Variants in IQSEC1 observed in about 807,000 individuals in gnomAD.
IQSEC1 encodes the protein IQ motif and SEC7 domain-containing protein 1.
Under a neutral mutation model 91.0 loss-of-function variants are expected in IQSEC1, and 31 were observed. That is an observed-to-expected ratio of 0.34 (90% CI 0.26 to 0.46). The LOEUF is 0.46. Among genes scored for constraint, IQSEC1 ranks in the 20% least tolerant of loss-of-function variants. IQSEC1 has a pLI of 1.00. For synonymous variants in IQSEC1, 699 were observed against 662.6 expected, an observed-to-expected ratio of 1.05 and a Z score of -0.84; for missense variants, 1,388 against 1,575.6, an observed-to-expected ratio of 0.88 and a Z score of 2.02.
In IQSEC1 at chr3:12,935,926, G is replaced by T; in HGVS notation, c.1090C>A (p.Pro364Thr). 6.3e-7 allele frequency: 1 copy of T among 1,599,908 alleles called. No homozygotes were observed. The highest frequency in any genetic ancestry group is 8.5e-7 in the Non-Finnish European group (1 of 1,179,420). ...CTGGGTGGCTCGATGGTGAGCAGCG[G>T]CAGATGCTCCACCCGCAGCCGCTGC... ...QEQRLRVEHL[P>T]LLTIEPPSDS... The change falls in exon 3 of 14, where the codon CCG (proline) becomes ACG (threonine). Residue 364 changes from proline (P) to threonine (T), a missense_variant. Physicochemically the swap from Pro to Thr is conservative, Grantham distance 38. Coordinates refer to ENST00000613206, the MANE Select transcript of IQSEC1 (RefSeq NM_001134382.3). The surrounding 1 kb of genome is among the most constrained non-coding windows in gnomAD (Gnocchi z 8.0).
At position 13,160,380 on chromosome 3, in the gene IQSEC1, T is replaced by C. The variant is rs142583465; in HGVS notation, c.302+3724A>G. On this transcript the variant is annotated intron_variant, in intron 2 of 15. Coordinates refer to the IQSEC1 transcript ENST00000648114. ...CCGGCTATGTTGCCCAGGCTAGTCT[T>C]GGACTCCTGGCCTCAAATGATCTTC... Among the ~76,000 whole-genome samples, 972 of 152,240 alleles carry C rather than the reference T, an allele frequency of 6.4e-3. 8 individuals are homozygous for C. Among genetic ancestry groups the C allele is most frequent in the African/African-American group, 0.021 (872 of 41,538 alleles).
Position 13,214,267 on chromosome 3 carries a change from C to A in IQSEC1, c.273-50134G>T, listed in dbSNP as rs1179761788. Among the ~76,000 whole-genome samples, 1 of 152,228 alleles carries A rather than the reference C, an allele frequency of 6.6e-6. No individual in the cohort carries two copies. The highest frequency in any genetic ancestry group is 1.9e-4 in the East Asian group (1 of 5,200). On this transcript the variant is annotated intron_variant, in intron 1 of 15. Coordinates refer to the IQSEC1 transcript ENST00000648114. This position sits in a 1 kb window ranked among gnomAD's most constrained non-coding sequence, Gnocchi z 4.5. ...ACCTGCCCTGGCCGGGTGAGACTAA[C>A]CCTGTCTGAGTCATTAACATCAGCC...
chr3:12,957,533 C>G (rs1361213198), intron 1 of IQSEC1, among the ~76,000 whole-genome samples: 2 of 152,224 alleles, frequency 1.3e-5, no homozygotes, highest in Admixed American at 1.3e-4. Context: ...TTCTCTGTGG[C>G]AGGCTCCAGC....
chr3:13,276,175 GC>G (rs1695676754), intron 1 of IQSEC1, among the ~76,000 whole-genome samples: 1 of 131,460 alleles, frequency 7.6e-6, no homozygotes, highest in African/African-American at 2.8e-5. Context: ...TGCAAGCTCT[GC>G]CTCCCAGGTT....
intron 6 of IQSEC1, among the ~76,000 whole-genome samples, chr3:12,918,474 T>A (rs1696316000): frequency 6.6e-6 from 1 of 152,038 alleles, no homozygotes; most frequent in Non-Finnish European, 1.5e-5. Flanking sequence ...TCCTGCTATG[T>A]CTCATCCAGC....
At chr3:13,080,219 A>G (rs956044282) in intron 2 of IQSEC1, among the ~76,000 whole-genome samples, 10 of 152,258 alleles carry the variant, frequency 6.6e-5, no homozygotes, top group African/African-American at 2.4e-4. Flanking sequence ...GTGGGGAGAG[A>G]TTAGAGGCTG....
intron 1 of IQSEC1, among the ~76,000 whole-genome samples, chr3:13,186,614 T>C (rs1247501227): frequency 1.3e-5 from 2 of 152,190 alleles, no homozygotes; most frequent in Non-Finnish European, 2.9e-5. Flanking sequence ...CATGTTCCTA[T>C]GCAGAGGCCC....
rs1015779895 is a variant in IQSEC1 at position 13,069,447 on chromosome 3, C to A, written c.23+3545G>T. On this transcript the variant is annotated intron_variant, in intron 1 of 13. Transcript: ENST00000613206. Reference sequence around the variant, plus strand: ...GTCCCACCAGTGTCCCTTCTTCTGTCTAGGGGAGACCCACCAGGGCTTCGC... The same window carrying A: ...GTCCCACCAGTGTCCCTTCTTCTGTATAGGGGAGACCCACCAGGGCTTCGC... 4.6e-5 allele frequency among the ~76,000 whole-genome samples: 7 copies of A among 152,328 alleles called. No individual in the cohort carries two copies. The South Asian group carries it at 1.2e-3, about 27-fold the overall frequency.
chr3:13,026,070 G>A (rs1221304042), intron 1 of IQSEC1, among the ~76,000 whole-genome samples: 1 of 152,224 alleles, frequency 6.6e-6, no homozygotes, highest in Non-Finnish European at 1.5e-5. Context: ...TTCCTGACGG[G>A]GTGGCCAGCA....
chr3:13,221,185 C>T (rs902014554), intron 1 of IQSEC1, among the ~76,000 whole-genome samples: 1 of 152,106 alleles, frequency 6.6e-6, no homozygotes, highest in African/African-American at 2.4e-5. Flanking sequence ...CCTGAGGCCA[C>T]TATTCCAGGC....
intron 1 of IQSEC1, among the ~76,000 whole-genome samples, chr3:13,019,899 G>A (rs866679495): frequency 2.0e-5 from 3 of 152,222 alleles, no homozygotes; most frequent in African/African-American, 7.2e-5. Context: ...TCAGGTGGCC[G>A]TGCCATTCAA....
chr3:13,207,480 G>C lies in IQSEC1; in HGVS notation c.273-43347C>G, dbSNP rs866661782. 1.3e-5 allele frequency among the ~76,000 whole-genome samples: 2 copies of C among 151,722 alleles called. No homozygotes were observed. Among genetic ancestry groups the C allele is most frequent in the Non-Finnish European group, 1.5e-5 (1 of 67,918 alleles). ...TCTAACTCTCCCCATGACACAACCCGCCAGAGCACTCTGGCAATGTCACCA... is the reference window on the plus strand; with the variant it reads ...TCTAACTCTCCCCATGACACAACCCCCCAGAGCACTCTGGCAATGTCACCA... On this transcript the variant is annotated intron_variant, in intron 1 of 15. Coordinates refer to the IQSEC1 transcript ENST00000648114. This position sits in a 1 kb window ranked among gnomAD's most constrained non-coding sequence, Gnocchi z 4.8.
At chr3:13,136,571 C>G (rs1210881213) in intron 2 of IQSEC1, among the ~76,000 whole-genome samples, 1 of 152,124 alleles carries the variant, frequency 6.6e-6, no homozygotes, top group Non-Finnish European at 1.5e-5. Context: ...AGACAGAGCT[C>G]GCATGTGTCC....
At chr3:12,902,670 C>CAAAAAAAAAAAAAAAAAAAAAAACAA (rs1694475525) in intron 13 of IQSEC1, 103 bp downstream of exon 13, 8 of 192,646 alleles carry the variant, frequency 4.2e-5, no homozygotes, top group African/African-American at 6.8e-5. Context: ...AAAAAAAAAC[C>CAAAAAAAAAAAAAAAAAAAAAAACAA]AAAAAAAAAA....
In IQSEC1 at chr3:12,967,799, G is replaced by A; in HGVS notation, c.24-25934C>T. ...CGGGGCCGGAGGGCGAGCTGGGGGC[G>A]GGGCTGCGCGCGGGGGCGAGACTGC... On this transcript the variant is annotated intron_variant, in intron 1 of 13. Coordinates refer to ENST00000613206, the MANE Select transcript of IQSEC1 (RefSeq NM_001134382.3). This position sits in a 1 kb window ranked among gnomAD's most constrained non-coding sequence, Gnocchi z 5.9. 3.4e-6 allele frequency: 2 copies of A among 593,928 alleles called. No homozygotes were observed. The highest frequency in any genetic ancestry group is 4.3e-6 in the Non-Finnish European group (2 of 469,026). 36.8% of individuals were successfully genotyped at this position (593,928 alleles called of 1,614,324 possible).
At chr3:13,021,798 C>T (rs1242031879) in intron 1 of IQSEC1, among the ~76,000 whole-genome samples, 1 of 152,182 alleles carries the variant, frequency 6.6e-6, no homozygotes, top group Non-Finnish European at 1.5e-5. Flanking sequence ...CTGCCCCTGG[C>T]GTTCCTTTCC....
At chr3:13,150,858 C>T (rs1318586297) in intron 2 of IQSEC1, among the ~76,000 whole-genome samples, 2 of 152,234 alleles carry the variant, frequency 1.3e-5, no homozygotes, top group Admixed American at 1.3e-4. Flanking sequence ...AGACAAAGAG[C>T]CCCACCTGAG....
chr3:13,238,584 C>T (rs1255642091), intron 1 of IQSEC1, among the ~76,000 whole-genome samples: 1 of 152,248 alleles, frequency 6.6e-6, no homozygotes, highest in Non-Finnish European at 1.5e-5. Flanking sequence ...CACGTCTTGT[C>T]CCCACCACAT....
intron 1 of IQSEC1, among the ~76,000 whole-genome samples, chr3:13,260,506 A>G (rs770496878): frequency 6.6e-6 from 1 of 152,152 alleles, no homozygotes; most frequent in Non-Finnish European, 1.5e-5. Context: ...ACAATTTTTG[A>G]TCAAAACAGG....
Sources: gnomAD v4.1 joint callset for allele counts (sites outside exome capture counted in the v4.1 genomes callset) on GRCh38, gnomAD v4.1.1 for gene constraint, Gnocchi (gnomAD v3.1) non-coding constraint, MANE v1.5 for transcripts, NCBI Gene and HGNC (gene_info 2026-07-23, HGNC 2026-07-21) for gene names.